CD72: variants seen among roughly 807,000 people sequenced by gnomAD.
The protein encoded by CD72 is CD72 molecule, also known as B-cell differentiation antigen CD72.
CD72 carries 28 observed loss-of-function variants against 50.7 expected under a neutral mutation model. The observed-to-expected ratio is 0.55, with a 90% CI of 0.41 to 0.76. The LOEUF is 0.76. Ranked by LOEUF, CD72 falls within the 30% of genes least tolerant of loss-of-function variation. The pLI, the probability that CD72 is intolerant of heterozygous loss-of-function variation, is 0.00. For missense variants in CD72, 403 were observed against 420.6 expected, an observed-to-expected ratio of 0.96 and a Z score of 0.37; for synonymous variants, 176 against 171.2, an observed-to-expected ratio of 1.03 and a Z score of -0.22.
chr9:35,619,752 C>G (rs1418696681), upstream of CD72, among the ~76,000 whole-genome samples: 1 of 152,172 alleles, frequency 6.6e-6, no homozygotes, highest in East Asian at 1.9e-4. Flanking sequence ...CAGAGCCTGC[C>G]TGGAGGAGGA....
upstream of CD72, among the ~76,000 whole-genome samples, chr9:35,619,823 G>A (rs906913861): frequency 1.3e-5 from 2 of 152,174 alleles, no homozygotes; most frequent in Admixed American, 6.5e-5. Context: ...AGAGAATGAC[G>A]GGTCATTTTC....
At chr9:35,612,531 G>A (rs1587900146) in intron 6 of CD72, among the ~76,000 whole-genome samples, 1 of 152,110 alleles carries the variant, frequency 6.6e-6, no homozygotes, top group East Asian at 1.9e-4. Flanking sequence ...GTTGCAGTGA[G>A]CTGAGATTAT....
chr9:35,624,070 G>C (rs1025220117), upstream of CD72, among the ~76,000 whole-genome samples: 10 of 150,666 alleles, frequency 6.6e-5, no homozygotes, highest in Admixed American at 6.6e-4. Context: ...AAATTAGCTG[G>C]GCGTGGTGGC....
upstream of CD72, chr9:35,618,860 A>G (rs1337293884): frequency 2.2e-6 from 2 of 916,972 alleles, no homozygotes; most frequent in Admixed American, 2.5e-5. Flanking sequence ...GGGTTCAGGA[A>G]CAGGCCTGGG....
intron 1 of CD72, among the ~76,000 whole-genome samples, chr9:35,640,605 G>T (rs1448388938): frequency 1.3e-5 from 2 of 152,240 alleles, no homozygotes; most frequent in Non-Finnish European, 1.5e-5. Flanking sequence ...CACTGGGTCA[G>T]GAGCACAGCA....
intron 1 of CD72, among the ~76,000 whole-genome samples, chr9:35,645,594 C>A (rs1297710152): frequency 1.6e-3 from 223 of 142,808 alleles, no homozygotes; most frequent in Middle Eastern, 3.6e-3. Flanking sequence ...AAAACAAAAA[C>A]AAACAAAAAA....
chr9:35,624,622 C>A (rs1278258932), intron 1 of CD72, among the ~76,000 whole-genome samples: 1 of 152,114 alleles, frequency 6.6e-6, no homozygotes, highest in Non-Finnish European at 1.5e-5. Flanking sequence ...AATGTCCAGG[C>A]ACACCTCATT....
At chr9:35,626,596 A>C (rs566450529) in intron 1 of CD72, among the ~76,000 whole-genome samples, 7 of 152,202 alleles carry the variant, frequency 4.6e-5, no homozygotes, top group African/African-American at 1.7e-4. Context: ...GAAAAGAATC[A>C]ATGTGGCAAA....
chr9:35,616,741 A>T, intron 3 of CD72, 52 bp from the exon 4 acceptor site: 1 of 1,471,446 alleles, frequency 6.8e-7, no homozygotes, highest in East Asian at 2.3e-5. Context: ...TAAAGAATGT[A>T]GAGAGGAAGG....
chr9:35,625,706 T>C lies in CD72; in HGVS notation n.409-7585A>G, dbSNP rs139377451. ...ACAGGTTGACTCTCTTGTTAGAGGC[T>C]AATGCAGCTCGTGGCTTTAAGGTGA... On this transcript the variant is annotated intron_variant and non_coding_transcript_variant, in intron 1 of 3. Coordinates refer to the CD72 transcript ENST00000465754. 8.5e-5 allele frequency among the ~76,000 whole-genome samples: 13 copies of C among 152,352 alleles called. No individual in the cohort carries two copies. The East Asian group carries it at 2.5e-3, about 29-fold the overall frequency.
chr9:35,644,414 C>T (rs1478811618), intron 1 of CD72, among the ~76,000 whole-genome samples: 1 of 150,108 alleles, frequency 6.7e-6, no homozygotes, highest in Non-Finnish European at 1.5e-5. Context: ...CCAATTCCTC[C>T]AGGGCTGTCA....
At chr9:35,611,942 C>A in intron 6 of CD72, 23 bp from the exon 7 acceptor site, 1 of 1,206,440 alleles carries the variant, frequency 8.3e-7, no homozygotes, top group Non-Finnish European at 1.2e-6. Flanking sequence ...TCAGAGAGAC[C>A]AGAGATACAT....
rs1434994085 is a variant in CD72, at chr9:35,613,409, G to C, written c.689-416C>G. The stretch of plus-strand genomic sequence containing the variant: ...CTACAAGCAGAAAATGTTGTGTACT[G>C]TTTTGCAGAAACTGAGCTCTCTCCT... On this transcript the variant is annotated intron_variant, in intron 5 of 8. Transcript: ENST00000259633. Among the ~76,000 whole-genome samples, 3 of 152,134 alleles carry C rather than the reference G, an allele frequency of 2.0e-5. No individual in the cohort carries two copies. In the East Asian group the frequency reaches 5.8e-4, roughly 29 times the overall value.
upstream of CD72, among the ~76,000 whole-genome samples, chr9:35,622,155 A>G (rs1823151062): frequency 6.6e-6 from 1 of 152,216 alleles, no homozygotes. Context: ...ACCTCAATCA[A>G]GAGTATGATT....
intron 8 of CD72, 114 bp downstream of exon 8, chr9:35,610,488 T>C: frequency 2.2e-6 from 1 of 448,126 alleles, no homozygotes; most frequent in Non-Finnish European, 3.5e-6. Context: ...GTGGAGGAAC[T>C]TTCATCCCAG....
At chr9:35,634,318 A>G (rs1380704998) in intron 1 of CD72, among the ~76,000 whole-genome samples, 1 of 152,078 alleles carries the variant, frequency 6.6e-6, no homozygotes, top group Non-Finnish European at 1.5e-5. Flanking sequence ...GAATACTTTA[A>G]TTACCTTCTA....
intron 1 of CD72, among the ~76,000 whole-genome samples, chr9:35,633,456 A>C (rs1001169342): frequency 1.3e-5 from 2 of 152,048 alleles, no homozygotes; most frequent in East Asian, 3.8e-4. Context: ...TTCTCATGTT[A>C]CGCTGTTTTC....
intron 1 of CD72, among the ~76,000 whole-genome samples, chr9:35,628,798 T>C (rs1823218886): frequency 6.6e-6 from 1 of 152,188 alleles, no homozygotes; most frequent in African/African-American, 2.4e-5. Flanking sequence ...TGTGGGCGCA[T>C]GTTCTACACT....
chr9:35,638,298 G>A (rs535166805), intron 1 of CD72, among the ~76,000 whole-genome samples: 8 of 151,972 alleles, frequency 5.3e-5, no homozygotes, highest in Admixed American at 4.6e-4. Flanking sequence ...CGACCCATCT[G>A]ACCTCTCCCC....
Sources: gnomAD v4.1 joint callset for allele counts (sites outside exome capture counted in the v4.1 genomes callset) on GRCh38, gnomAD v4.1.1 for gene constraint, MANE v1.5 for transcripts, NCBI Gene and HGNC (gene_info 2026-07-23, HGNC 2026-07-21) for gene names.